The following SLC25A48 variants were observed in gnomAD, a reference collection of about 807,000 sequenced individuals.
SLC25A48 encodes CTC-321K16.1.
A neutral mutation model predicts 32.2 loss-of-function variants in SLC25A48; 29 were observed. That is an observed-to-expected ratio of 0.90 (90% CI 0.67 to 1.23). SLC25A48 has a LOEUF of 1.23. Among genes scored for constraint, SLC25A48 ranks in the 50% most tolerant of loss-of-function variants. The pLI is 0.00. For synonymous variants in SLC25A48, 164 were observed against 172.3 expected (o/e 0.95, Z 0.38); for missense variants, 399 against 422.7 (o/e 0.94, Z 0.49).
intron 3 of SLC25A48, 103 bp downstream of exon 3, chr5:135,850,599 C>A: frequency 9.6e-7 from 1 of 1,045,502 alleles, no homozygotes. Context: ...GGCCTCTCAT[C>A]CTGCTCTTCA....
chr5:135,610,240 C>A (rs571974799), intron 1 of SLC25A48, among the ~76,000 whole-genome samples: 1 of 152,184 alleles, frequency 6.6e-6, no homozygotes, highest in Non-Finnish European at 1.5e-5. Context: ...CTACACCTGA[C>A]GGGGGTGCCC....
chr5:135,841,988 G>A (rs971832317), intron 1 of SLC25A48, among the ~76,000 whole-genome samples: 3 of 152,228 alleles, frequency 2.0e-5, no homozygotes, highest in Non-Finnish European at 4.4e-5. Context: ...TCACTCCTTC[G>A]GTTGGTTGTA....
chr5:135,858,891 C>A (rs1369794713), intron 4 of SLC25A48, among the ~76,000 whole-genome samples: 1 of 152,128 alleles, frequency 6.6e-6, no homozygotes, highest in Non-Finnish European at 1.5e-5. Context: ...CCTCTGATCT[C>A]CCTTGCCCTC....
At position 135,888,461 on chromosome 5, in the gene SLC25A48, C is replaced by T. The variant is rs1762811402; in HGVS notation, c.*437C>T. On this transcript the variant is annotated 3_prime_UTR_variant, in exon 8 of 8. Coordinates refer to ENST00000681962, the MANE Select transcript of SLC25A48 (RefSeq NM_001349336.2). ...GCCTCCAGTCTCCTCTCAGCACCGA[C>T]CAGGTTTTTCCCCGCTCCTGCACCC... The T allele has an allele frequency of 5.1e-6, 1 of 196,330 alleles. No individual in the cohort carries two copies. The highest frequency in any genetic ancestry group is 5.3e-5 in the Admixed American group (1 of 18,780). The allele number at this position is 196,330 out of a possible 1,614,324, so 12.2% of individuals were successfully genotyped here.
chr5:135,723,380 T>TCTCTCTCA (rs1356362581), intron 3 of SLC25A48, among the ~76,000 whole-genome samples: 5 of 111,766 alleles, frequency 4.5e-5, no homozygotes, highest in African/African-American at 1.7e-4. Context: ...TCTCTCTCTC[T>TCTCTCTCA]CACACACACA....
chr5:135,831,059 G>A (rs529735029), upstream of SLC25A48, among the ~76,000 whole-genome samples: 8 of 152,280 alleles, frequency 5.3e-5, no homozygotes, highest in Non-Finnish European at 8.8e-5. Context: ...GGTAGGAGTC[G>A]GCTATGAGGA....
At chr5:135,659,521 T>A (rs1753337444) in intron 3 of SLC25A48, among the ~76,000 whole-genome samples, 1 of 152,216 alleles carries the variant, frequency 6.6e-6, no homozygotes, top group Admixed American at 6.5e-5. Context: ...TCCAAAGTCT[T>A]CCAACCTCTG....
chr5:135,754,720 C>T (rs572852059), intron 3 of SLC25A48, among the ~76,000 whole-genome samples: 1 of 152,082 alleles, frequency 6.6e-6, no homozygotes, highest in Non-Finnish European at 1.5e-5. Flanking sequence ...TGTTTACACA[C>T]TGTGATATTA....
chr5:135,620,416 A>G (rs1193191826), intron 1 of SLC25A48, among the ~76,000 whole-genome samples: 3 of 152,162 alleles, frequency 2.0e-5, no homozygotes, highest in Non-Finnish European at 4.4e-5. Flanking sequence ...TCCCCAGGCT[A>G]TAAGCATGCA....
chr5:135,693,155 A>G (rs537658773), intron 3 of SLC25A48, among the ~76,000 whole-genome samples: 12 of 152,358 alleles, frequency 7.9e-5, no homozygotes, highest in Admixed American at 2.0e-4. Context: ...TTAAAAATTT[A>G]AACTGTCTTC....
intron 3 of SLC25A48, among the ~76,000 whole-genome samples, chr5:135,737,092 A>C (rs1755381492): frequency 1.3e-5 from 2 of 152,278 alleles, no homozygotes; most frequent in Middle Eastern, 3.4e-3. Flanking sequence ...ACCAAATTTC[A>C]CTCACGTCCG....
chr5:135,714,044 G>A (rs766634346), intron 3 of SLC25A48, among the ~76,000 whole-genome samples: 4 of 152,214 alleles, frequency 2.6e-5, no homozygotes, highest in Non-Finnish European at 4.4e-5. Flanking sequence ...ATGGTCTCCC[G>A]GTTGTGAGAC....
At chr5:135,729,257 A>G (rs1755170301) in intron 3 of SLC25A48, among the ~76,000 whole-genome samples, 1 of 152,178 alleles carries the variant, frequency 6.6e-6, no homozygotes, top group South Asian at 2.1e-4. Context: ...TCAAAGAGTA[A>G]TAGGATAGTT....
chr5:135,790,009 C>A (rs1004857537), intron 3 of SLC25A48, among the ~76,000 whole-genome samples: 1 of 151,684 alleles, frequency 6.6e-6, no homozygotes, highest in African/African-American at 2.4e-5. Flanking sequence ...GGTGTACACT[C>A]CCTGTGAAAT....
intron 3 of SLC25A48, among the ~76,000 whole-genome samples, chr5:135,754,368 T>C (rs1375440485): frequency 6.6e-6 from 1 of 152,118 alleles, no homozygotes; most frequent in Non-Finnish European, 1.5e-5. Context: ...GTGAAATTAC[T>C]GTGATATTAC....
intron 3 of SLC25A48, among the ~76,000 whole-genome samples, chr5:135,809,833 C>T (rs1325438503): frequency 6.6e-6 from 1 of 152,150 alleles, no homozygotes; most frequent in Non-Finnish European, 1.5e-5. Flanking sequence ...TCCACGGTAC[C>T]AATGGACCTT....
intron 2 of SLC25A48, 96 bp downstream of exon 2, chr5:135,842,555 C>A: frequency 1.5e-6 from 2 of 1,303,820 alleles, no homozygotes; most frequent in South Asian, 1.2e-5. Context: ...CTCAGAGAGT[C>A]TTCTGCCCAG....
chr5:135,598,023 A>AAAACAAAC, intron 1 of SLC25A48, among the ~76,000 whole-genome samples: 1 of 146,974 alleles, frequency 6.8e-6, no homozygotes, highest in Middle Eastern at 3.2e-3. Flanking sequence ...ATCAAACCAA[A>AAAACAAAC]AAACAAACAA....
rs78830863 is a variant in SLC25A48, at chr5:135,793,040, C to G, written c.-520-19483C>G. Among the ~76,000 whole-genome samples the G allele has an allele frequency of 6.7e-3, 1,009 of 151,412 alleles. 7 individuals are homozygous for G. The highest frequency in any genetic ancestry group is 0.023 in the African/African-American group (944 of 41,274). The stretch of plus-strand genomic sequence containing the variant: ...TTCCTAATATCACAGTGGGTGTACA[C>G]CAGGTGGGTACACCCTGGGATATTA... On this transcript the variant is annotated intron_variant, in intron 3 of 10. Transcript: ENST00000646290.
Sources: allele counts gnomAD v4.1 joint callset (sites outside exome capture counted in the v4.1 genomes callset), GRCh38; gene constraint gnomAD v4.1.1; transcripts MANE v1.5; gene names NCBI Gene and HGNC (gene_info 2026-07-23, HGNC 2026-07-21).